The following CDAN1 variants were observed in gnomAD, a reference collection of about 807,000 sequenced individuals.
CDAN1 encodes the protein codanin 1.
A neutral mutation model predicts 139.8 loss-of-function variants in CDAN1; 107 were observed. The ratio of observed to expected loss-of-function variants is 0.77; its 90% CI spans 0.65 to 0.90. CDAN1 has a LOEUF of 0.90. CDAN1 is among the 40% of genes least tolerant of loss of function. The pLI, the probability that CDAN1 is intolerant of heterozygous loss-of-function variation, is 0.00. For synonymous variants in CDAN1, 776 were observed against 660.6 expected (o/e 1.17, Z -2.68); for missense variants, 1,667 against 1,575.7 (o/e 1.06, Z -0.98).
chr15:42,730,245 T>C, intron 14 of CDAN1, 30 bp from the exon 15 acceptor site: 1 of 1,599,558 alleles, frequency 6.3e-7, no homozygotes, highest in South Asian at 1.1e-5. Flanking sequence ...TACACGGGTT[T>C]GAGCAGAAAG....
chr15:42,736,137 C>T (rs1479859660), intron 2 of CDAN1, 59 bp from the exon 3 acceptor site: 3 of 1,588,578 alleles, frequency 1.9e-6, no homozygotes, highest in Non-Finnish European at 2.6e-6. Flanking sequence ...CTCCCCTCCA[C>T]CACCGCAACA....
Position 42,731,197 on chromosome 15 carries a change from T to G in CDAN1, c.1860+14A>C, listed in dbSNP as rs375618217. The stretch of plus-strand genomic sequence containing the variant: ...GGGTCAGACCCCATTATTTCCCTTG[T>G]TCTGTTTTCGGACCTGCCAGTCTAC... On this transcript the variant is annotated intron_variant, in intron 12 of 27. Coordinates refer to ENST00000356231, the MANE Select transcript of CDAN1 (RefSeq NM_138477.4). 3 of 1,614,094 alleles carry G rather than the reference T, an allele frequency of 1.9e-6. No homozygotes were observed. The highest frequency in any genetic ancestry group is 2.5e-6 in the Non-Finnish European group (3 of 1,180,036).
At chr15:42,733,327 T>G (rs1178748126) in intron 8 of CDAN1, 141 bp from the exon 9 acceptor site, 1 of 731,468 alleles carries the variant, frequency 1.4e-6, no homozygotes. Context: ...CAGGCTGGAT[T>G]GCAATGACGC....
Position 42,734,337 on chromosome 15 carries a change from G to A in CDAN1, c.1146C>T (p.Ser382=), listed in dbSNP as rs1402920140. Residue 382 remains serine, a synonymous_variant, in exon 7 of 28, where the codon TCC becomes TCT. Transcript: ENST00000356231. ...GCTTCAAGGTCCCTTTGTCCAGGTT[G>A]GAAAGAACCCTGCAGGGACAAGAGC... ...QVLECHFQVL[S]NLDKGTLKLL... is the part of the protein sequence containing the mutation. The A allele has an allele frequency of 6.2e-7, 1 of 1,614,108 alleles. No individual in the cohort carries two copies. The highest frequency in any genetic ancestry group is 1.1e-5 in the South Asian group (1 of 91,078).
At chr15:42,736,100 T>C (rs753316002) in intron 2 of CDAN1, 22 bp from the exon 3 acceptor site, 49 of 1,612,652 alleles carry the variant, frequency 3.0e-5, no homozygotes, top group Non-Finnish European at 4.1e-5. Flanking sequence ...AGCCACAGGT[T>C]TTTCTCAAAT....
intron 1 of CDAN1, 68 bp from the exon 2 acceptor site, chr15:42,736,848 G>A (rs1481817294): frequency 1.4e-6 from 2 of 1,454,734 alleles, no homozygotes; most frequent in East Asian, 5.9e-5. Flanking sequence ...GAGCAGCCGG[G>A]GCCGTAGGGC....
chr15:42,728,813 G>A lies in CDAN1; in HGVS notation c.2646-3C>T, dbSNP rs369518566. 6 of 1,614,168 alleles carry A rather than the reference G, an allele frequency of 3.7e-6. No individual in the cohort carries two copies. Among genetic ancestry groups the A allele is most frequent in the African/African-American group, 1.3e-5 (1 of 75,056 alleles). On this transcript the variant is annotated splice_polypyrimidine_tract_variant and splice_region_variant and intron_variant, in intron 19 of 27. Coordinates refer to ENST00000356231, the MANE Select transcript of CDAN1 (RefSeq NM_138477.4). ...CCAGATCTGCCACCAGTGTAGCCCTGCAGCAGGGACAGCAAGGTTGGGGAT... is the reference window on the plus strand; with the variant it reads ...CCAGATCTGCCACCAGTGTAGCCCTACAGCAGGGACAGCAAGGTTGGGGAT...
intron 4 of CDAN1, 55 bp downstream of exon 4, chr15:42,735,455 C>T: frequency 6.2e-7 from 1 of 1,606,666 alleles, no homozygotes; most frequent in Non-Finnish European, 8.5e-7. Context: ...TACCAATTCT[C>T]TTACCCATAA....
chr15:42,728,377 G>A, intron 20 of CDAN1, 110 bp from the exon 21 acceptor site: 3 of 1,301,698 alleles, frequency 2.3e-6, no homozygotes, highest in Non-Finnish European at 3.3e-6. Context: ...ACCTTGGAAG[G>A]AGGCACCGTT....
At chr15:42,724,900 T>C (rs553297344) in intron 27 of CDAN1, 5 of 614,498 alleles carry the variant, frequency 8.1e-6, no homozygotes, top group Non-Finnish European at 1.4e-5. Context: ...TCCAGGTTAT[T>C]CTAATTTTAA....
chr15:42,733,125 A>C lies in CDAN1; in HGVS notation c.1429T>G (p.Phe477Val), dbSNP rs1347123286. Residue 477 changes from phenylalanine to valine, a missense_variant, in exon 9 of 28, where the codon TTT becomes GTT. Around this residue, in one of 3 missense-constraint regions of CDAN1, gnomAD observed 244 missense variants for 309.4 expected, o/e 0.79. Transcript: ENST00000356231. The part of the protein sequence containing the change: ...EDHHEEPGWD[F>V]EKGLGSRIRA... The stretch of plus-strand genomic sequence containing the variant: ...ATTCTGCTGCCCAAGCCCTTCTCAA[A>C]ATCCCAGCCAGGCTCCTCATGGTGA... 1 of 1,613,806 alleles carries C rather than the reference A, an allele frequency of 6.2e-7. No individual in the cohort carries two copies. The highest frequency in any genetic ancestry group is 8.5e-7 in the Non-Finnish European group (1 of 1,179,984).
chr15:42,730,260 A>AGGGAATG, intron 14 of CDAN1, 45 bp from the exon 15 acceptor site: 1 of 1,530,524 alleles, frequency 6.5e-7, no homozygotes, highest in Non-Finnish European at 9.1e-7. Context: ...AGAAAGGGGA[A>AGGGAATG]GGGAATGGAG....
Position 42,735,284 on chromosome 15 carries a change from G to C in CDAN1, c.1034C>G (p.Pro345Arg). 2 of 1,609,274 alleles carry C rather than the reference G, an allele frequency of 1.2e-6. No homozygotes were observed. Among genetic ancestry groups the C allele is most frequent in the South Asian group, 1.1e-5 (1 of 90,076 alleles). The change falls in exon 5 of 28, where the codon CCT becomes CGT. Residue 345 changes from proline (P) to arginine (R), a missense_variant. Pro to Arg is a moderately radical substitution (Grantham distance 103, BLOSUM62 -2). Coordinates refer to ENST00000356231, the MANE Select transcript of CDAN1 (RefSeq NM_138477.4). ...ACCTAGGACAGCTGGACTTAGTTCAGGGTCGCTGTCCTTGGCAGTCACCAT... is the reference window on the plus strand; with the variant it reads ...ACCTAGGACAGCTGGACTTAGTTCACGGTCGCTGTCCTTGGCAGTCACCAT... ...RRMVTAKDSD[P>R]ELSPAVLDSL...
chr15:42,726,153 C>T lies in CDAN1; in HGVS notation c.3212G>A (p.Cys1071Tyr). Residue 1071 changes from cysteine to tyrosine, a missense_variant, in exon 25 of 28, where the codon TGC (cysteine) becomes TAC (tyrosine). This residue lies in a region of CDAN1 where 936 missense variants were observed against 844.1 expected (regional missense o/e 1.11). Transcript: ENST00000356231. ...GQTLRCRQFL[C>Y]PPAEQHLAKC... ...TGCCAGATGCTGCTCAGCAGGTGGG[C>T]ACAGGAACTGCGGTTGGGGTGGGGG... 2.5e-6 allele frequency: 4 copies of T among 1,613,984 alleles called. No individual in the cohort carries two copies. Among genetic ancestry groups the T allele is most frequent in the Non-Finnish European group, 3.4e-6 (4 of 1,179,990 alleles).
At chr15:42,732,117 C>T (rs1288411750) in intron 10 of CDAN1, among the ~76,000 whole-genome samples, 1 of 152,210 alleles carries the variant, frequency 6.6e-6, no homozygotes, top group Non-Finnish European at 1.5e-5. Flanking sequence ...CAGCAGCAGG[C>T]TAGAGGAGCT....
intron 27 of CDAN1, 33 bp from the exon 28 acceptor site, chr15:42,724,649 G>A: frequency 1.3e-6 from 2 of 1,550,598 alleles, no homozygotes; most frequent in Non-Finnish European, 1.7e-6. Flanking sequence ...GGAAAAGGCA[G>A]CATGTAATAA....
rs749028244 is a variant in CDAN1 at position 42,732,438 on chromosome 15, G to A, written c.1458-30C>T. 3.1e-6 allele frequency: 5 copies of A among 1,593,168 alleles called. No homozygotes were observed. In the East Asian group the frequency reaches 6.7e-5, roughly 21 times the overall value. On this transcript the variant is annotated intron_variant, in intron 9 of 27. Coordinates refer to ENST00000356231, the MANE Select transcript of CDAN1 (RefSeq NM_138477.4). ...GGAATAGAAGGCAGGAATGAAGGGTGTGGAAAGGAGGGAGAGGGAGAAAGA... is the reference window on the plus strand; with the variant it reads ...GGAATAGAAGGCAGGAATGAAGGGTATGGAAAGGAGGGAGAGGGAGAAAGA...
chr15:42,726,440 T>G (rs372636364), intron 23 of CDAN1, 23 bp from the exon 24 acceptor site: 21 of 1,549,076 alleles, frequency 1.4e-5, no homozygotes, highest in Non-Finnish European at 1.8e-5. Context: ...GGGGGAGATA[T>G]CACCTTGCGC....
rs1222699562 is a variant in CDAN1 at position 42,730,698 on chromosome 15, T to C, written c.2074A>G (p.Thr692Ala). The change falls in exon 14 of 28, where the codon ACC becomes GCC. Residue 692 changes from threonine to alanine, a missense_variant. By Grantham distance (58) the Thr-to-Ala change is moderately conservative (BLOSUM62 0). Around this residue, in one of 3 missense-constraint regions of CDAN1, gnomAD observed 936 missense variants for 844.1 expected, o/e 1.11. Transcript: ENST00000356231. ...AGAAACTCCACCAGCCAGGGCACGG[T>C]GAGCACCGCCCGGCGGGCCTGCAGC... ...RGLQARRAVL[T>A]VPWLVEFLSF... 6.2e-7 allele frequency: 1 copy of C among 1,613,872 alleles called. No homozygotes were observed. Among genetic ancestry groups the C allele is most frequent in the Non-Finnish European group, 8.5e-7 (1 of 1,179,896 alleles).
Sources: allele counts gnomAD v4.1 joint callset (sites outside exome capture counted in the v4.1 genomes callset), GRCh38; gene constraint gnomAD v4.1.1; regional missense constraint gnomAD v4.1.1; transcripts MANE v1.5; gene names NCBI Gene and HGNC (gene_info 2026-07-23, HGNC 2026-07-21).